The following NLGN1 variants were observed in gnomAD, a reference collection of about 807,000 sequenced individuals.
The protein encoded by NLGN1 is neuroligin-1.
A neutral mutation model predicts 65.5 loss-of-function variants in NLGN1; 12 were observed. That is an observed-to-expected ratio of 0.18 (90% CI 0.12 to 0.30). The LOEUF (loss-of-function observed/expected upper bound fraction) is 0.30, where lower values mean the gene tolerates loss of function less well. NLGN1 is among the 10% of genes least tolerant of loss of function. The pLI, the probability that NLGN1 is intolerant of heterozygous loss-of-function variation, is 1.00. For synonymous variants in NLGN1, 350 were observed against 359.5 expected (o/e 0.97, Z 0.30); for missense variants, 750 against 1,007.1 (o/e 0.74, Z 3.46).
intron 4 of NLGN1, chr3:173,910,684 C>T (rs1739413005): frequency 6.6e-6 from 1 of 152,184 alleles, no homozygotes; most frequent in Non-Finnish European, 1.5e-5. Context: ...ATAATGCTCA[C>T]AGCAAATGTG....
intron 4 of NLGN1, among the ~76,000 whole-genome samples, chr3:174,241,848 C>T (rs1017336069): frequency 1.1e-4 from 17 of 151,880 alleles, no homozygotes; most frequent in African/African-American, 3.4e-4. Flanking sequence ...TTAGTAGAGA[C>T]GGGGTTTCAC....
intron 4 of NLGN1, among the ~76,000 whole-genome samples, chr3:174,032,180 G>C (rs1730166110): frequency 6.6e-6 from 1 of 151,976 alleles, no homozygotes; most frequent in Non-Finnish European, 1.5e-5. Context: ...ACCAAAACAA[G>C]AACATAAACT....
chr3:174,085,989 A>G (rs2152557642), intron 4 of NLGN1, among the ~76,000 whole-genome samples: 1 of 152,126 alleles, frequency 6.6e-6, no homozygotes, highest in African/African-American at 2.4e-5. Flanking sequence ...TGGATTTGTA[A>G]TGAAATTAAC....
intron 3 of NLGN1, chr3:173,685,716 A>G: frequency 2.0e-6 from 2 of 985,368 alleles, no homozygotes; most frequent in East Asian, 1.1e-4. Context: ...AATGATCCCA[A>G]GAGTACCAAG....
intron 2 of NLGN1, among the ~76,000 whole-genome samples, chr3:173,539,717 T>TACATATGCACATATATACATATATGC (rs1738329372): frequency 7.7e-6 from 1 of 129,696 alleles, no homozygotes; most frequent in African/African-American, 3.2e-5. Flanking sequence ...TACATATATG[T>TACATATGCACATATATACATATATGC]ACATATGCAC....
chr3:173,918,560 G>A (rs1741213134), intron 4 of NLGN1, among the ~76,000 whole-genome samples: 1 of 150,622 alleles, frequency 6.6e-6, no homozygotes, highest in Non-Finnish European at 1.5e-5. Context: ...TTGAACCTGG[G>A]AGGTGGAGGT....
chr3:173,416,745 T>C (rs1429299438), intron 1 of NLGN1, among the ~76,000 whole-genome samples: 4 of 152,180 alleles, frequency 2.6e-5, no homozygotes, highest in Non-Finnish European at 5.9e-5. Flanking sequence ...ATAATATTTG[T>C]ATTCTTTAGA....
At chr3:173,704,796 C>A (rs190749065) in intron 3 of NLGN1, among the ~76,000 whole-genome samples, 1 of 152,164 alleles carries the variant, frequency 6.6e-6, no homozygotes, top group Non-Finnish European at 1.5e-5. Context: ...TAGGGGTTGG[C>A]GTTCACTTTT....
intron 4 of NLGN1, among the ~76,000 whole-genome samples, chr3:174,134,713 C>T (rs907640222): frequency 1.3e-5 from 2 of 152,130 alleles, no homozygotes; most frequent in Non-Finnish European, 2.9e-5. Context: ...AGTGTGGACC[C>T]TGGCAATTCT....
At chr3:173,611,762 TAA>T (rs1286549288) in intron 3 of NLGN1, among the ~76,000 whole-genome samples, 1 of 152,048 alleles carries the variant, frequency 6.6e-6, no homozygotes, top group African/African-American at 2.4e-5. Context: ...AGCAGATGAT[TAA>T]AAGACCATTA....
rs143517839 is a variant in NLGN1, at chr3:173,438,726, T to G, written c.-321+3648T>G. Among the ~76,000 whole-genome samples the G allele has an allele frequency of 3.4e-3, 515 of 152,194 alleles. 2 individuals are homozygous for G. Among genetic ancestry groups the G allele is most frequent in the Non-Finnish European group, 5.2e-3 (352 of 67,970 alleles). The stretch of plus-strand genomic sequence containing the variant: ...TCAAAATGGGATTCTAAAGAAAGAT[T>G]AAAGGAATTAGAAATATTCAGTAGA... On this transcript the variant is annotated intron_variant, in intron 2 of 6. Coordinates refer to ENST00000457714, the Ensembl canonical transcript of NLGN1.
chr3:173,868,087 A>C (rs1336873203), intron 4 of NLGN1, among the ~76,000 whole-genome samples: 2 of 152,140 alleles, frequency 1.3e-5, no homozygotes, highest in Non-Finnish European at 2.9e-5. Flanking sequence ...AGTCAGTGCC[A>C]CCCAATTTAT....
chr3:173,495,518 G>T (rs1462328703), intron 2 of NLGN1, among the ~76,000 whole-genome samples: 2 of 151,084 alleles, frequency 1.3e-5, no homozygotes, highest in Non-Finnish European at 2.9e-5. Context: ...AAAACAGTGG[G>T]TGAGTTGTGA....
At chr3:173,884,472 T>C (rs1390038241) in intron 4 of NLGN1, among the ~76,000 whole-genome samples, 1 of 152,282 alleles carries the variant, frequency 6.6e-6, no homozygotes, top group East Asian at 1.9e-4. Context: ...GTAGCATAAA[T>C]ATAACACTTT....
intron 4 of NLGN1, among the ~76,000 whole-genome samples, chr3:173,872,949 A>T (rs1298433954): frequency 6.6e-6 from 1 of 152,056 alleles, no homozygotes; most frequent in Admixed American, 6.6e-5. Context: ...AAAGGATGTG[A>T]AACGATCTTA....
intron 4 of NLGN1, among the ~76,000 whole-genome samples, chr3:174,195,241 A>C (rs1481523778): frequency 1.3e-5 from 2 of 152,312 alleles, no homozygotes; most frequent in African/African-American, 4.8e-5. Context: ...CCTTCCCATC[A>C]TATATAGTAA....
chr3:173,706,859 A>G (rs1768128894), intron 3 of NLGN1, among the ~76,000 whole-genome samples: 1 of 152,236 alleles, frequency 6.6e-6, no homozygotes, highest in Admixed American at 6.5e-5. Context: ...ATCTTTTCCC[A>G]AAAGCAAGTT....
chr3:174,056,538 G>A (rs1466697455), intron 4 of NLGN1, among the ~76,000 whole-genome samples: 1 of 151,858 alleles, frequency 6.6e-6, no homozygotes, highest in Non-Finnish European at 1.5e-5. Flanking sequence ...TCTCACTGGA[G>A]CAGGTTTTAC....
At chr3:173,655,851 A>G (rs1759938153) in intron 3 of NLGN1, among the ~76,000 whole-genome samples, 1 of 152,104 alleles carries the variant, frequency 6.6e-6, no homozygotes. Flanking sequence ...GATGGTGTCC[A>G]GGTTCTTGGC....
Sources: allele counts gnomAD v4.1 joint callset (sites outside exome capture counted in the v4.1 genomes callset), GRCh38; gene constraint gnomAD v4.1.1; transcripts MANE v1.5; gene names NCBI Gene and HGNC (gene_info 2026-07-23, HGNC 2026-07-21).